Variants in PALLD observed in about 807,000 individuals in gnomAD.
PALLD encodes the protein palladin, cytoskeletal associated protein, also known as palladin.
A neutral mutation model predicts 123.5 loss-of-function variants in PALLD; 61 were observed. That is an observed-to-expected ratio of 0.49 (90% CI 0.40 to 0.61). PALLD has a LOEUF of 0.61. Among genes scored for constraint, PALLD ranks in the 20% least tolerant of loss-of-function variants. The probability of loss-of-function intolerance (pLI) is 0.00; values close to 1 mark genes in which losing one functional copy is unlikely to be tolerated. For synonymous variants in PALLD, 465 were observed against 496.4 expected, an observed-to-expected ratio of 0.94 and a Z score of 0.84; for missense variants, 1,273 against 1,377.0, an observed-to-expected ratio of 0.92 and a Z score of 1.20.
At chr4:168,730,075 T>A (rs566482258) in intron 10 of PALLD, among the ~76,000 whole-genome samples, 5 of 152,364 alleles carry the variant, frequency 3.3e-5, no homozygotes, top group Admixed American at 2.6e-4. Flanking sequence ...AAAACACTCA[T>A]GTATATACAT....
At chr4:168,644,091 CTT>C (rs10719083) in intron 2 of PALLD, among the ~76,000 whole-genome samples, 134 of 138,858 alleles carry the variant, frequency 9.7e-4, no homozygotes, top group African/African-American at 1.0e-3. Flanking sequence ...ATGTTGATAT[CTT>C]TTTTTTTTTT....
intron 2 of PALLD, among the ~76,000 whole-genome samples, chr4:168,628,190 T>C (rs921588730): frequency 3.9e-5 from 6 of 152,354 alleles, no homozygotes; most frequent in Non-Finnish European, 8.8e-5. Flanking sequence ...TAGCAAAAGA[T>C]TGGAAACAAG....
At chr4:168,860,465 A>G (rs1210831037) in intron 10 of PALLD, among the ~76,000 whole-genome samples, 1 of 152,180 alleles carries the variant, frequency 6.6e-6, no homozygotes, top group Non-Finnish European at 1.5e-5. Flanking sequence ...CTTCTTGCTC[A>G]CTCCAATAGT....
intron 2 of PALLD, among the ~76,000 whole-genome samples, chr4:168,528,437 C>G (rs975702751): frequency 6.6e-6 from 1 of 152,224 alleles, no homozygotes; most frequent in Non-Finnish European, 1.5e-5. Flanking sequence ...TTTTCTCATT[C>G]GTTCACTCTC....
At chr4:168,896,104 G>A (rs1323938838) in intron 12 of PALLD, among the ~76,000 whole-genome samples, 1 of 152,082 alleles carries the variant, frequency 6.6e-6, no homozygotes, top group Non-Finnish European at 1.5e-5. Context: ...CAGCTACGCG[G>A]GAGGCTGAGA....
intron 2 of PALLD, among the ~76,000 whole-genome samples, chr4:168,551,000 A>C (rs749535828): frequency 5.3e-5 from 8 of 152,238 alleles, no homozygotes; most frequent in Non-Finnish European, 1.0e-4. Context: ...AAGAATTTTC[A>C]CATTTTATAA....
intron 10 of PALLD, among the ~76,000 whole-genome samples, chr4:168,857,072 G>A (rs1365192525): frequency 6.6e-6 from 1 of 152,184 alleles, no homozygotes; most frequent in African/African-American, 2.4e-5. Flanking sequence ...TATAACTGTT[G>A]GAACCATCCT....
intron 2 of PALLD, among the ~76,000 whole-genome samples, chr4:168,625,169 T>A (rs1775114871): frequency 6.6e-6 from 1 of 151,678 alleles, no homozygotes; most frequent in Admixed American, 6.6e-5. Flanking sequence ...ATATTAAAAA[T>A]TAAAAGCATT....
At chr4:168,623,497 T>C (rs1046243254) in intron 2 of PALLD, among the ~76,000 whole-genome samples, 1 of 152,242 alleles carries the variant, frequency 6.6e-6, no homozygotes, top group Non-Finnish European at 1.5e-5. Flanking sequence ...GGACTTGCTC[T>C]GAAGAGCAAT....
chr4:168,678,556 T>C (rs1357628533), intron 3 of PALLD, among the ~76,000 whole-genome samples: 3 of 152,090 alleles, frequency 2.0e-5, no homozygotes, highest in African/African-American at 7.2e-5. Flanking sequence ...GTGAAAACTA[T>C]GACTAAGGTA....
intron 10 of PALLD, among the ~76,000 whole-genome samples, chr4:168,867,894 T>C (rs757880234): frequency 6.7e-6 from 1 of 150,332 alleles, no homozygotes; most frequent in Non-Finnish European, 1.5e-5. Context: ...TTTGAACTAA[T>C]TTAAGTGAAG....
At chr4:168,575,755 T>C (rs1769503331) in intron 2 of PALLD, among the ~76,000 whole-genome samples, 1 of 152,166 alleles carries the variant, frequency 6.6e-6, no homozygotes. Flanking sequence ...TTAGTACATC[T>C]GAGCTGGGGC....
intron 2 of PALLD, among the ~76,000 whole-genome samples, chr4:168,529,819 T>C (rs1294338315): frequency 6.6e-6 from 1 of 152,144 alleles, no homozygotes; most frequent in Non-Finnish European, 1.5e-5. Flanking sequence ...TAAATGAAAA[T>C]AAATACTTAA....
chr4:168,733,331 C>T (rs1162110649), intron 10 of PALLD, among the ~76,000 whole-genome samples: 19 of 152,156 alleles, frequency 1.2e-4, no homozygotes, highest in Admixed American at 1.2e-3. Flanking sequence ...ATTCCTAACC[C>T]TGAAATTCTA....
chr4:168,896,844 A>AT (rs1755294117), intron 13 of PALLD, among the ~76,000 whole-genome samples: 1 of 151,848 alleles, frequency 6.6e-6, no homozygotes, highest in Non-Finnish European at 1.5e-5. Context: ...TTATTTATTT[A>AT]TTTTGAGATG....
At chr4:168,628,449 T>C (rs1775510207) in intron 2 of PALLD, among the ~76,000 whole-genome samples, 1 of 152,174 alleles carries the variant, frequency 6.6e-6, no homozygotes, top group East Asian at 1.9e-4. Flanking sequence ...TCATATGACA[T>C]TCTACATCTC....
chr4:168,746,409 A>AAAAAAAAAAAAAAAAC, intron 10 of PALLD, among the ~76,000 whole-genome samples: 1 of 147,634 alleles, frequency 6.8e-6, no homozygotes, highest in Non-Finnish European at 1.5e-5. Flanking sequence ...AAAAAAAAAA[A>AAAAAAAAAAAAAAAAC]AGAGGAGGGA....
At chr4:168,775,288 T>C (rs1160887858) in intron 10 of PALLD, among the ~76,000 whole-genome samples, 1 of 152,202 alleles carries the variant, frequency 6.6e-6, no homozygotes, top group African/African-American at 2.4e-5. Flanking sequence ...ACTTCCCTAA[T>C]GACTGATGAT....
intron 10 of PALLD, among the ~76,000 whole-genome samples, chr4:168,734,979 A>G (rs7679447): frequency 0.36 from 53,998 of 151,964 alleles, 10,214 homozygotes; most frequent in South Asian, 0.47. Context: ...TGCTAGTAGT[A>G]GTAGTGTAGT....
Sources: gnomAD v4.1 joint callset for allele counts (sites outside exome capture counted in the v4.1 genomes callset) on GRCh38, gnomAD v4.1.1 for gene constraint, MANE v1.5 for transcripts, NCBI Gene and HGNC (gene_info 2026-07-23, HGNC 2026-07-21) for gene names.